Variants in MYCBP2 observed in about 807,000 individuals in gnomAD.
MYCBP2 encodes the protein MYC binding protein 2.
MYCBP2 carries 120 observed loss-of-function variants against 525.3 expected under a neutral mutation model. That is an observed-to-expected ratio of 0.23 (90% CI 0.20 to 0.27). The LOEUF (loss-of-function observed/expected upper bound fraction) is 0.27. Ranked by LOEUF, MYCBP2 falls within the 10% of genes least tolerant of loss-of-function variation. MYCBP2 has a pLI of 1.00. For synonymous variants in MYCBP2, 1,894 were observed against 1,955.8 expected (o/e 0.97, Z 0.83); for missense variants, 4,149 against 5,657.1 (o/e 0.73, Z 8.55).
At chr13:77,194,328 G>T in intron 26 of MYCBP2, 84 bp from the exon 27 acceptor site, 4 of 1,004,242 alleles carry the variant, frequency 4.0e-6, no homozygotes, top group South Asian at 1.4e-5. Flanking sequence ...TGTGCATGAT[G>T]AATGTATGCT....
At chr13:77,250,397 G>A (rs544416398) in intron 15 of MYCBP2, among the ~76,000 whole-genome samples, 5 of 152,270 alleles carry the variant, frequency 3.3e-5, no homozygotes, top group Middle Eastern at 3.4e-3. Context: ...TCAAGAGGCA[G>A]GGATGGCTGT....
intron 52 of MYCBP2, among the ~76,000 whole-genome samples, chr13:77,127,734 C>T (rs1013717143): frequency 4.0e-5 from 6 of 151,834 alleles, no homozygotes; most frequent in Admixed American, 1.3e-4. Flanking sequence ...TTCATACACA[C>T]AGTAACACAG....
intron 29 of MYCBP2, among the ~76,000 whole-genome samples, chr13:77,189,559 C>T (rs147448730): frequency 1.2e-3 from 185 of 152,244 alleles, no homozygotes; most frequent in Middle Eastern, 6.8e-3. Flanking sequence ...GATAGAATCA[C>T]AGTTCTAGAC....
At chr13:77,194,864 A>G (rs1449627030) in intron 26 of MYCBP2, among the ~76,000 whole-genome samples, 1 of 152,170 alleles carries the variant, frequency 6.6e-6, no homozygotes, top group East Asian at 1.9e-4. Flanking sequence ...GTAATATGGC[A>G]TGAGAAAAAG....
At chr13:77,092,317 TCAA>T (rs2045566439) in intron 59 of MYCBP2, among the ~76,000 whole-genome samples, 1 of 152,154 alleles carries the variant, frequency 6.6e-6, no homozygotes, top group African/African-American at 2.4e-5. Context: ...ATCCAGTTAG[TCAA>T]CAAGTCACAC....
At chr13:77,181,620 G>T in intron 33 of MYCBP2, 81 bp downstream of exon 33, 2 of 1,051,046 alleles carry the variant, frequency 1.9e-6, no homozygotes, top group Non-Finnish European at 1.4e-6. Flanking sequence ...TAGTTTTATT[G>T]CCTCTGTATA....
intron 8 of MYCBP2, among the ~76,000 whole-genome samples, chr13:77,264,977 A>C (rs1456220423): frequency 1.3e-5 from 2 of 152,142 alleles, no homozygotes; most frequent in Non-Finnish European, 2.9e-5. Context: ...TTCTAGTTGC[A>C]CCTGAATCAA....
intron 44 of MYCBP2, 134 bp downstream of exon 44, chr13:77,161,772 T>A: frequency 1.6e-6 from 1 of 623,020 alleles, no homozygotes. Context: ...AAGTTATTTA[T>A]CTCTATAATG....
chr13:77,267,383 C>T (rs971361849), intron 8 of MYCBP2, among the ~76,000 whole-genome samples: 1 of 149,568 alleles, frequency 6.7e-6, no homozygotes, highest in African/African-American at 2.4e-5. Context: ...TCTCTGAAAC[C>T]CCTTTAACAT....
At chr13:77,191,636 CA>C in intron 28 of MYCBP2, 42 bp downstream of exon 28, 1 of 1,592,154 alleles carries the variant, frequency 6.3e-7, no homozygotes, top group Non-Finnish European at 8.6e-7. Context: ...ATTCCTCTAA[CA>C]AAAATAAGTA....
intron 55 of MYCBP2, 175 bp from the exon 56 acceptor site, chr13:77,099,188 T>A: frequency 1.2e-6 from 1 of 836,780 alleles, no homozygotes; most frequent in Non-Finnish European, 1.8e-6. Context: ...ATAAAATTTC[T>A]ACACATCATT....
intron 8 of MYCBP2, among the ~76,000 whole-genome samples, chr13:77,266,412 A>G (rs567076969): frequency 6.6e-6 from 1 of 152,266 alleles, no homozygotes; most frequent in African/African-American, 2.4e-5. Flanking sequence ...TGACCTAGAA[A>G]TATTTTCAGA....
At chr13:77,077,624 T>A (rs866353989) in intron 66 of MYCBP2, 1 of 419,402 alleles carries the variant, frequency 2.4e-6, no homozygotes, top group East Asian at 4.2e-5. Flanking sequence ...GGATTTTCAG[T>A]AAATGGTGGA....
chr13:77,125,622 G>GT (rs1222421533), intron 53 of MYCBP2, among the ~76,000 whole-genome samples, 154 bp from the exon 54 acceptor site: 2 of 152,184 alleles, frequency 1.3e-5, no homozygotes, highest in African/African-American at 2.4e-5. Context: ...ACAGCCTGAG[G>GT]TAAGACAGAA....
chr13:77,073,643 A>T (rs1241525471), intron 68 of MYCBP2, among the ~76,000 whole-genome samples: 1 of 152,152 alleles, frequency 6.6e-6, no homozygotes, highest in Non-Finnish European at 1.5e-5. Context: ...GAAAACCCCA[A>T]AGAGTCTATA....
intron 49 of MYCBP2, among the ~76,000 whole-genome samples, chr13:77,141,583 C>T (rs1013619699): frequency 2.0e-5 from 3 of 151,954 alleles, no homozygotes; most frequent in African/African-American, 7.3e-5. Flanking sequence ...TCAGCCTGGC[C>T]ACCATAGTGA....
chr13:77,176,573 A>G lies in MYCBP2; in HGVS notation c.5396T>C (p.Val1799Ala), dbSNP rs774550893. Residue 1799 changes from valine (V) to alanine (A), a missense_variant, in exon 36 of 83, where the codon GTG becomes GCG. Around this residue, in one of 21 missense-constraint regions of MYCBP2, gnomAD observed 109 missense variants for 118.9 expected, o/e 0.92. Transcript: ENST00000544440. ...HSHRWTSLEL[V>A]KGTYTTDDSP... ...GTCATCCGTTGTGTACGTTCCTTTC[A>G]CTAATTCCAGAGATGTCCATCTGTG... 1.8e-5 allele frequency: 28 copies of G among 1,599,484 alleles called. No individual in the cohort carries two copies. Among genetic ancestry groups the G allele is most frequent in the Non-Finnish European group, 2.1e-5 (25 of 1,170,468 alleles).
rs199708305 is a variant in MYCBP2 at position 77,166,432 on chromosome 13, A to G, written c.6237T>C (p.Tyr2079=). ...CATGAACAGATGTCAATTTTGGTCCATATCCTGAATTCTGAACAGTTCTGA... is the reference window on the plus strand; with the variant it reads ...CATGAACAGATGTCAATTTTGGTCCGTATCCTGAATTCTGAACAGTTCTGA... ...IPVRTVQNSG[Y]GPKLTSVHEN... is the part of the protein sequence containing the mutation. Residue 2079 remains tyrosine, a synonymous_variant, in exon 41 of 83, where the codon TAT becomes TAC. Coordinates refer to ENST00000544440, the MANE Select transcript of MYCBP2 (RefSeq NM_015057.5). The G allele has an allele frequency of 6.2e-7, 1 of 1,614,016 alleles. No homozygotes were observed. The highest frequency in any genetic ancestry group is 8.5e-7 in the Non-Finnish European group (1 of 1,179,894).
intron 1 of MYCBP2, 142 bp from the exon 2 acceptor site, chr13:77,296,816 T>G: frequency 1.6e-6 from 1 of 644,514 alleles, no homozygotes; most frequent in Non-Finnish European, 2.4e-6. Flanking sequence ...ATACTTTACA[T>G]ACACATATAA....
Sources: gnomAD v4.1 joint callset for allele counts (sites outside exome capture counted in the v4.1 genomes callset) on GRCh38, gnomAD v4.1.1 for gene constraint, gnomAD v4.1.1 regional missense constraint, MANE v1.5 for transcripts, NCBI Gene and HGNC (gene_info 2026-07-23, HGNC 2026-07-21) for gene names.